PTPRD: variants seen among roughly 807,000 people sequenced by gnomAD.
PTPRD encodes receptor-type tyrosine-protein phosphatase delta.
A neutral mutation model predicts 214.5 loss-of-function variants in PTPRD; 34 were observed. That is an observed-to-expected ratio of 0.16 (90% CI 0.12 to 0.21). The LOEUF (loss-of-function observed/expected upper bound fraction) is 0.21. PTPRD is among the 10% of genes least tolerant of loss of function. PTPRD has a pLI of 1.00. For synonymous variants in PTPRD, 1,128 were observed against 845.7 expected, an observed-to-expected ratio of 1.33 and a Z score of -5.79; for missense variants, 2,545 against 2,398.7, an observed-to-expected ratio of 1.06 and a Z score of -1.27.
intron 11 of PTPRD, among the ~76,000 whole-genome samples, chr9:9,016,299 G>T (rs1213985393): frequency 6.6e-6 from 1 of 152,102 alleles, no homozygotes; most frequent in Non-Finnish European, 1.5e-5. Flanking sequence ...TTTCACTGAG[G>T]AAGGCAGTAA....
At chr9:10,535,240 T>G (rs908904065) in intron 2 of PTPRD, among the ~76,000 whole-genome samples, 1 of 152,188 alleles carries the variant, frequency 6.6e-6, no homozygotes, top group Non-Finnish European at 1.5e-5. Context: ...TGGATTTCAG[T>G]CAGGTTTTCA....
At chr9:10,494,218 G>C (rs1470287720) in intron 2 of PTPRD, among the ~76,000 whole-genome samples, 1 of 151,764 alleles carries the variant, frequency 6.6e-6, no homozygotes, top group East Asian at 1.9e-4. Flanking sequence ...TAGTTTAAAA[G>C]TAAATCAAGG....
intron 5 of PTPRD, among the ~76,000 whole-genome samples, chr9:9,907,623 G>A (rs147439761): frequency 1.4e-3 from 213 of 151,918 alleles, no homozygotes; most frequent in Middle Eastern, 3.4e-3. Flanking sequence ...CTCTATCTCC[G>A]AATAAAGTCA....
At chr9:9,150,354 A>C (rs773318004) in intron 10 of PTPRD, among the ~76,000 whole-genome samples, 3 of 151,110 alleles carry the variant, frequency 2.0e-5, no homozygotes, top group Non-Finnish European at 2.9e-5. Flanking sequence ...TATAGTGATA[A>C]ATAGTATAAG....
rs377353847 is a variant in PTPRD, at chr9:10,298,508, T to C, written c.-545+42455A>G. 7.9e-4 allele frequency among the ~76,000 whole-genome samples: 120 copies of C among 152,236 alleles called. 2 individuals carry two copies. In the South Asian group the frequency reaches 0.021, roughly 27 times the overall value. On this transcript the variant is annotated intron_variant, in intron 3 of 45. Transcript: ENST00000381196. ...TTTAAAATGCATCTTTTCATTCTGC[T>C]GATGCACACTCATTTGTTTAATACT...
At chr9:8,913,607 C>T (rs934382058) in intron 11 of PTPRD, among the ~76,000 whole-genome samples, 4 of 151,988 alleles carry the variant, frequency 2.6e-5, no homozygotes, top group African/African-American at 9.7e-5. Flanking sequence ...CATTGGTATT[C>T]TGACCTAAAT....
At chr9:10,019,956 G>T (rs2096813484) in intron 4 of PTPRD, among the ~76,000 whole-genome samples, 1 of 151,958 alleles carries the variant, frequency 6.6e-6, no homozygotes, top group South Asian at 2.1e-4. Flanking sequence ...TTTCTTAGTG[G>T]CATTGTGAGT....
At chr9:8,915,190 T>C (rs530028656) in intron 11 of PTPRD, among the ~76,000 whole-genome samples, 61 of 152,256 alleles carry the variant, frequency 4.0e-4, no homozygotes, top group Non-Finnish European at 6.8e-4. Flanking sequence ...CTTTGCAAGT[T>C]TCATGATGAA....
chr9:9,394,697 T>C (rs931200339), intron 9 of PTPRD, among the ~76,000 whole-genome samples: 8 of 152,208 alleles, frequency 5.3e-5, no homozygotes, highest in Non-Finnish European at 8.8e-5. Flanking sequence ...TATTGGTGCA[T>C]AGAATAGTAT....
intron 12 of PTPRD, among the ~76,000 whole-genome samples, chr9:8,723,343 T>C (rs1396365946): frequency 6.6e-6 from 1 of 152,170 alleles, no homozygotes; most frequent in East Asian, 1.9e-4. Flanking sequence ...AACCAAGACC[T>C]ATCCTCTCCC....
intron 5 of PTPRD, among the ~76,000 whole-genome samples, chr9:9,867,809 A>G (rs1461275834): frequency 2.0e-5 from 3 of 152,176 alleles, no homozygotes; most frequent in Non-Finnish European, 2.9e-5. Context: ...CCATGGTATA[A>G]AAGCATGGCA....
At chr9:8,702,610 G>A (rs1026332649) in intron 12 of PTPRD, among the ~76,000 whole-genome samples, 1 of 152,108 alleles carries the variant, frequency 6.6e-6, no homozygotes, top group Non-Finnish European at 1.5e-5. Flanking sequence ...AATATAAGAG[G>A]TGCAATTTTT....
intron 8 of PTPRD, among the ~76,000 whole-genome samples, chr9:9,508,359 T>A (rs762371609): frequency 6.6e-6 from 1 of 151,612 alleles, no homozygotes; most frequent in Non-Finnish European, 1.5e-5. Context: ...TCTTCTACTT[T>A]CCATTCCCCA....
chr9:10,035,875 C>T (rs1236251044), intron 3 of PTPRD, among the ~76,000 whole-genome samples: 1 of 151,372 alleles, frequency 6.6e-6, no homozygotes, highest in Non-Finnish European at 1.5e-5. Flanking sequence ...AGCAAGACAG[C>T]ATGCTTCTGA....
chr9:8,472,040 G>A (rs1190029457), intron 30 of PTPRD, among the ~76,000 whole-genome samples: 4 of 152,108 alleles, frequency 2.6e-5, no homozygotes, highest in East Asian at 1.9e-4. Flanking sequence ...GAAATTCTCT[G>A]AGCAAAGCCT....
At chr9:9,396,942 A>G (rs1392429659) in intron 9 of PTPRD, among the ~76,000 whole-genome samples, 4 of 152,042 alleles carry the variant, frequency 2.6e-5, no homozygotes, top group Admixed American at 1.3e-4. Context: ...GAGATTAACT[A>G]TATTGTTCCA....
At chr9:10,154,502 G>T (rs964877357) in intron 3 of PTPRD, among the ~76,000 whole-genome samples, 1 of 152,090 alleles carries the variant, frequency 6.6e-6, no homozygotes, top group Non-Finnish European at 1.5e-5. Flanking sequence ...ATTGGTTGCA[G>T]TTGCTTTTGA....
At chr9:8,468,745 G>T (rs1195556568) in intron 31 of PTPRD, among the ~76,000 whole-genome samples, 1 of 149,988 alleles carries the variant, frequency 6.7e-6, no homozygotes, top group South Asian at 2.1e-4. Context: ...TGTCAAACCT[G>T]GCAGTATCAA....
At chr9:10,444,768 C>T (rs2098787078) in intron 2 of PTPRD, among the ~76,000 whole-genome samples, 2 of 151,632 alleles carry the variant, frequency 1.3e-5, no homozygotes, top group Non-Finnish European at 3.0e-5. Flanking sequence ...AAAAGTGTAT[C>T]ATGATTTTGG....
Sources: allele counts gnomAD v4.1 joint callset (sites outside exome capture counted in the v4.1 genomes callset), GRCh38; gene constraint gnomAD v4.1.1; transcripts MANE v1.5; gene names NCBI Gene and HGNC (gene_info 2026-07-23, HGNC 2026-07-21).